The following TRAP1 variants were observed in gnomAD, a reference collection of about 807,000 sequenced individuals.
TRAP1 encodes TNF receptor associated protein 1.
TRAP1 carries 102 observed loss-of-function variants against 89.1 expected under a neutral mutation model. The observed-to-expected ratio is 1.15, with a 90% CI of 0.98 to 1.35. TRAP1 has a LOEUF of 1.35. Ranked by LOEUF, TRAP1 falls within the 40% of genes most tolerant of loss-of-function variation. TRAP1 has a pLI of 0.00. For synonymous variants in TRAP1, 508 were observed against 388.0 expected (o/e 1.31, Z -3.64); for missense variants, 1,256 against 945.3 (o/e 1.33, Z -4.31).
chr16:3,709,739 C>G (rs1042906025), intron 1 of TRAP1, among the ~76,000 whole-genome samples: 12 of 152,116 alleles, frequency 7.9e-5, no homozygotes, highest in African/African-American at 1.2e-4. Context: ...CAACCTCCAC[C>G]TCCCAGATTC....
intron 16 of TRAP1, chr16:3,661,490 A>G (rs530467656): frequency 6.5e-6 from 1 of 152,776 alleles, no homozygotes; most frequent in African/African-American, 2.4e-5. Context: ...CTGGCTCTCC[A>G]CAACTTCTGA....
Position 3,708,560 on chromosome 16 carries a change from C to G in TRAP1, c.88+8861G>C, listed in dbSNP as rs530568575. On this transcript the variant is annotated intron_variant, in intron 1 of 17. Coordinates refer to ENST00000246957, the MANE Select transcript of TRAP1 (RefSeq NM_016292.3). ...GCTGAGGCAGGAGAAATGCTTCAAC[C>G]TGGGAGACGGAGGTTGCAGTGAGCC... Among the ~76,000 whole-genome samples the G allele has an allele frequency of 7.6e-4, 115 of 152,126 alleles. 1 individual carries two copies. In the Middle Eastern group the frequency reaches 0.034, roughly 45 times the overall value.
chr16:3,685,660 A>G (rs1267272256), intron 4 of TRAP1, among the ~76,000 whole-genome samples: 2 of 152,318 alleles, frequency 1.3e-5, no homozygotes, highest in East Asian at 3.9e-4. Flanking sequence ...GGGAAAACGC[A>G]GTTAAAAATA....
At chr16:3,688,931 C>G (rs1198360697) in intron 3 of TRAP1, 124 bp downstream of exon 3, 4 of 815,728 alleles carry the variant, frequency 4.9e-6, no homozygotes, top group East Asian at 5.4e-5. Context: ...AGATGAGGAC[C>G]TGTCCAAAGT....
intron 1 of TRAP1, among the ~76,000 whole-genome samples, chr16:3,713,891 G>A (rs1249328321): frequency 6.6e-6 from 1 of 152,236 alleles, no homozygotes; most frequent in Non-Finnish European, 1.5e-5. Context: ...CCCAGGGCTG[G>A]CTCTGTGACT....
rs572027269 is a variant in TRAP1, at chr16:3,671,660, G to A, written c.1235+62C>T. 1.3e-4 allele frequency: 204 copies of A among 1,563,952 alleles called. No individual in the cohort carries two copies. In the East Asian group the frequency reaches 4.6e-3, roughly 35 times the overall value. On this transcript the variant is annotated intron_variant, in intron 11 of 17. Coordinates refer to ENST00000246957, the MANE Select transcript of TRAP1 (RefSeq NM_016292.3). ...GGGCCACGGCTAGGGCCCTCTGGGG[G>A]CAAAGGAGCAGGTAGGGGCCTTGTC...
chr16:3,702,627 C>T (rs779856657), intron 1 of TRAP1, among the ~76,000 whole-genome samples: 1 of 151,604 alleles, frequency 6.6e-6, no homozygotes, highest in African/African-American at 2.4e-5. Context: ...ACCTGTAGTT[C>T]CAGCTACTTG....
chr16:3,664,043 A>G (rs769450122), intron 13 of TRAP1: 2 of 484,846 alleles, frequency 4.1e-6, no homozygotes, highest in Non-Finnish European at 7.2e-6. Context: ...AGCCTGGGCG[A>G]GAGAGCAAGA....
intron 14 of TRAP1, 65 bp downstream of exon 14, chr16:3,663,359 C>T (rs1412140046): frequency 8.8e-6 from 14 of 1,594,488 alleles, no homozygotes; most frequent in Admixed American, 1.7e-5. Flanking sequence ...GCCCTCGCTG[C>T]GGGGCAGGAG....
At chr16:3,663,118 C>G in intron 14 of TRAP1, 151 bp from the exon 15 acceptor site, 1 of 698,528 alleles carries the variant, frequency 1.4e-6, no homozygotes. Context: ...AAAGTAAAAC[C>G]TCAAAGGATG....
At chr16:3,693,585 A>AACACCTGC (rs2051246051) in intron 1 of TRAP1, among the ~76,000 whole-genome samples, 1 of 152,086 alleles carries the variant, frequency 6.6e-6, no homozygotes, top group Non-Finnish European at 1.5e-5. Context: ...AGTGTTTCTC[A>AACACCTGC]CCATTTGTGT....
chr16:3,717,084 C>T (rs1404729187), intron 1 of TRAP1, among the ~76,000 whole-genome samples: 1 of 152,266 alleles, frequency 6.6e-6, no homozygotes, highest in African/African-American at 2.4e-5. Context: ...CCGCGCTCCG[C>T]AGCGGCTCCA....
intron 10 of TRAP1, among the ~76,000 whole-genome samples, chr16:3,672,345 C>G (rs2050925257): frequency 6.6e-6 from 1 of 152,084 alleles, no homozygotes; most frequent in South Asian, 2.1e-4. Flanking sequence ...AAACAAAACT[C>G]TATCAGGGAT....
chr16:3,700,437 G>T (rs796593675), intron 1 of TRAP1, among the ~76,000 whole-genome samples: 18 of 151,774 alleles, frequency 1.2e-4, no homozygotes, highest in African/African-American at 4.4e-4. Context: ...AAAGTGCTAG[G>T]ATTACAGGTG....
At chr16:3,679,911 T>G in intron 4 of TRAP1, 121 bp from the exon 5 acceptor site, 1 of 829,992 alleles carries the variant, frequency 1.2e-6, no homozygotes, top group Non-Finnish European at 2.0e-6. Context: ...CCCAGCCAGG[T>G]AGCACCAGAT....
At chr16:3,681,211 A>G (rs2051069346) in intron 4 of TRAP1, among the ~76,000 whole-genome samples, 1 of 152,172 alleles carries the variant, frequency 6.6e-6, no homozygotes, top group Non-Finnish European at 1.5e-5. Flanking sequence ...GCCCTCAGAA[A>G]CAGTTTTCTG....
At chr16:3,707,078 T>A (rs958968880) in intron 1 of TRAP1, among the ~76,000 whole-genome samples, 1 of 152,114 alleles carries the variant, frequency 6.6e-6, no homozygotes, top group African/African-American at 2.4e-5. Context: ...TTTTTAATTA[T>A]AGCCACCCTA....
At chr16:3,709,157 G>A (rs552104168) in intron 1 of TRAP1, among the ~76,000 whole-genome samples, 13 of 147,256 alleles carry the variant, frequency 8.8e-5, no homozygotes, top group East Asian at 6.1e-4. Context: ...AAGGGCTAGC[G>A]CAGAGGTTAC....
rs769418685 is a variant in TRAP1, at chr16:3,679,790, C to T, written c.472G>A (p.Asp158Asn). The change falls in exon 5 of 18, where the codon GAT (aspartate) becomes AAT (asparagine). Residue 158 changes from aspartate (D) to asparagine (N), a missense_variant and splice_region_variant. Physicochemically the swap from Asp to Asn is conservative, Grantham distance 23 (BLOSUM62 1). Coordinates refer to ENST00000246957, the MANE Select transcript of TRAP1 (RefSeq NM_016292.3). The part of the protein sequence containing the change: ...NAEKGTITIQ[D>N]TGIGMTQEEL... ...TCCTGTGTCATCCCGATACCAGTAT[C>T]CTGAGGAGAGAGACGCACTAAGTGC... 1.9e-6 allele frequency: 3 copies of T among 1,614,066 alleles called. No homozygotes were observed. Among genetic ancestry groups the T allele is most frequent in the South Asian group, 1.1e-5 (1 of 91,086 alleles).
Sources: allele counts gnomAD v4.1 joint callset (sites outside exome capture counted in the v4.1 genomes callset), GRCh38; gene constraint gnomAD v4.1.1; transcripts MANE v1.5; gene names NCBI Gene and HGNC (gene_info 2026-07-23, HGNC 2026-07-21).